The following PASD1 variants were observed in gnomAD, a reference collection of about 807,000 sequenced individuals.
PASD1 encodes PAS domain containing repressor 1, also known as circadian clock protein PASD1.
PASD1 carries 13 observed loss-of-function variants against 58.8 expected under a neutral mutation model. The ratio of observed to expected loss-of-function variants is 0.22; its 90% CI spans 0.14 to 0.35. The LOEUF (loss-of-function observed/expected upper bound fraction) is 0.35, where lower values mean the gene tolerates loss of function less well. Ranked by LOEUF, PASD1 falls within the 10% of genes least tolerant of loss-of-function variation. The probability of loss-of-function intolerance (pLI) is 1.00; values close to 1 mark genes in which losing one functional copy is unlikely to be tolerated. For synonymous variants in PASD1, 236 were observed against 216.7 expected (o/e 1.09, Z -0.78); for missense variants, 734 against 568.3 (o/e 1.29, Z -2.96).
At chrX:151,583,288 G>A (rs1259237060) in intron 1 of PASD1, among the ~76,000 whole-genome samples, 1 of 112,169 alleles carries the variant, frequency 8.9e-6, no homozygotes, top group Admixed American at 9.4e-5. Flanking sequence ...TGTAGTAAGT[G>A]TTTAATAAAT....
chrX:151,676,050 A>G lies in PASD1; in HGVS notation c.2229A>G (p.Gln743=), dbSNP rs1403011858. Residue 743 remains glutamine, a synonymous_variant, in exon 16 of 16, where the codon CAA becomes CAG. Coordinates refer to ENST00000370357, the MANE Select transcript of PASD1 (RefSeq NM_173493.3). ...VEGPPDPQAF[Q]GPAAYQPDQM... ...GACCTCCTGATCCACAGGCTTTCCA[A>G]GGCCCTGCTGCATACCAGCCAGACC... 1 of 1,209,504 alleles carries G rather than the reference A, an allele frequency of 8.3e-7. No individual in the cohort carries two copies. The highest frequency in any genetic ancestry group is 1.7e-5 in the African/African-American group (1 of 57,163).
chrX:151,603,004 TTACCTTCCTAA>T (rs1261143718), intron 2 of PASD1, among the ~76,000 whole-genome samples: 5 of 112,722 alleles, frequency 4.4e-5, no homozygotes, highest in Non-Finnish European at 9.4e-5. Context: ...AGCTCAGATG[TTACCTTCCTAA>T]TACCTTCCTA....
At chrX:151,592,606 A>G (rs963474630) in intron 1 of PASD1, among the ~76,000 whole-genome samples, 7 of 111,551 alleles carry the variant, frequency 6.3e-5, no homozygotes, top group Non-Finnish European at 1.3e-4. Context: ...ATATTTTCCA[A>G]TTTTCTTTGG....
intron 9 of PASD1, 130 bp downstream of exon 9, chrX:151,648,832 CA>C (rs2124296288): frequency 5.4e-6 from 4 of 741,994 alleles, no homozygotes; most frequent in Non-Finnish European, 7.7e-6. Flanking sequence ...CCACAGTTGC[CA>C]TCTTGTAGAC....
At chrX:151,673,790 G>A (rs1489789414) in intron 14 of PASD1, 138 bp from the exon 15 acceptor site, 1 of 731,212 alleles carries the variant, frequency 1.4e-6, no homozygotes, top group Admixed American at 2.9e-5. Context: ...AGGCCAAAGT[G>A]AGAATACAAA....
At chrX:151,653,015 G>A (rs780571229) in intron 9 of PASD1, among the ~76,000 whole-genome samples, 1 of 109,925 alleles carries the variant, frequency 9.1e-6, no homozygotes, top group South Asian at 3.9e-4. Context: ...GAGTCACAGT[G>A]TTGAGAATAG....
chrX:151,604,003 T>C lies in PASD1; in HGVS notation c.29-643T>C, dbSNP rs188262868. Reference sequence around the variant, plus strand: ...TGTGTTAGTGAAGTCCCTTTGCTAGTGAAGTTAGTGGAGTAGGGTGGAGTT... The same window carrying C: ...TGTGTTAGTGAAGTCCCTTTGCTAGCGAAGTTAGTGGAGTAGGGTGGAGTT... On this transcript the variant is annotated intron_variant, in intron 2 of 15. Transcript: ENST00000370357. 1.4e-3 allele frequency among the ~76,000 whole-genome samples: 159 copies of C among 111,369 alleles called. 2 individuals are homozygous for C. Among genetic ancestry groups the C allele is most frequent in the African/African-American group, 4.4e-3 (136 of 30,592 alleles).
At chrX:151,658,574 C>A (rs2014275122) in intron 9 of PASD1, among the ~76,000 whole-genome samples, 1 of 112,241 alleles carries the variant, frequency 8.9e-6, no homozygotes, top group South Asian at 3.7e-4. Flanking sequence ...CATATCTCCT[C>A]TTAATGAATA....
In PASD1 at chrX:151,612,613, T is replaced by G. The variant is rs747180431; in HGVS notation, c.207+860T>G. ...TGTGTCTTTTGGCTGCATAAATGTC[T>G]TCTTTTGAGAAGTGTCTGTTCATAT... On this transcript the variant is annotated intron_variant, in intron 4 of 15. Coordinates refer to ENST00000370357, the MANE Select transcript of PASD1 (RefSeq NM_173493.3). Among the ~76,000 whole-genome samples the G allele has an allele frequency of 5.2e-3, 577 of 111,572 alleles. 4 individuals carry two copies. Among genetic ancestry groups the G allele is most frequent in the Middle Eastern group, 0.023 (5 of 215 alleles).
chrX:151,649,916 A>G (rs1160342078), intron 9 of PASD1, among the ~76,000 whole-genome samples: 1 of 112,305 alleles, frequency 8.9e-6, no homozygotes, highest in Admixed American at 9.5e-5. Flanking sequence ...CCATGAGCAC[A>G]TATTTTAAAC....
intron 2 of PASD1, among the ~76,000 whole-genome samples, chrX:151,603,055 C>T (rs747424267): frequency 2.1e-4 from 24 of 112,414 alleles, no homozygotes; most frequent in East Asian, 8.4e-4. Context: ...CCCGATCTTA[C>T]GAATTATTGT....
intron 10 of PASD1, among the ~76,000 whole-genome samples, chrX:151,663,285 G>A (rs746384876): frequency 1.8e-5 from 2 of 112,074 alleles, no homozygotes; most frequent in Non-Finnish European, 3.8e-5. Flanking sequence ...AGAATGTCAT[G>A]TAAGAGGAAT....
At chrX:151,584,820 C>T (rs1245754364) in intron 1 of PASD1, among the ~76,000 whole-genome samples, 2 of 112,079 alleles carry the variant, frequency 1.8e-5, no homozygotes, top group African/African-American at 3.2e-5. Context: ...GGGACCACAT[C>T]TCTTTGATTT....
At chrX:151,613,826 G>A (rs947918515) in intron 4 of PASD1, among the ~76,000 whole-genome samples, 11 of 111,436 alleles carry the variant, frequency 9.9e-5, no homozygotes, top group Non-Finnish European at 1.7e-4. Context: ...TATAGATTGG[G>A]TGTCTTTGTA....
At position 151,610,284 on chromosome X, in the gene PASD1, C is replaced by G. The variant is rs182120502; in HGVS notation, c.118-1380C>G. 9.1e-4 allele frequency among the ~76,000 whole-genome samples: 101 copies of G among 111,445 alleles called. 1 individual carries two copies. In the Middle Eastern group the frequency reaches 0.037, roughly 41 times the overall value. ...TTCTGAGTCATTTCCTCAGCTCTTT[C>G]CAGCTCAAAAATTTTATTTCTGGCT... On this transcript the variant is annotated intron_variant, in intron 3 of 15. Coordinates refer to ENST00000370357, the MANE Select transcript of PASD1 (RefSeq NM_173493.3).
chrX:151,613,044 C>T (rs983145997), intron 4 of PASD1, among the ~76,000 whole-genome samples: 115 of 111,804 alleles, frequency 1.0e-3, no homozygotes, highest in Non-Finnish European at 1.5e-3. Flanking sequence ...ATGGCTAGCC[C>T]GTTTTCCCAG....
At chrX:151,662,560 G>A (rs944281646) in intron 10 of PASD1, among the ~76,000 whole-genome samples, 5 of 111,180 alleles carry the variant, frequency 4.5e-5, no homozygotes, top group Non-Finnish European at 9.4e-5. Context: ...GACTAGGAAA[G>A]ATGTCTATTC....
At chrX:151,597,673 C>T (rs2013338219) in intron 1 of PASD1, among the ~76,000 whole-genome samples, 1 of 110,787 alleles carries the variant, frequency 9.0e-6, no homozygotes, top group Non-Finnish European at 1.9e-5. Context: ...TTATTTTCTT[C>T]TCCTTTCTTT....
At position 151,671,293 on chromosome X, in the gene PASD1, T is replaced by A. The variant is rs776373513; in HGVS notation, c.1230+97T>A. 155 of 977,628 alleles carry A rather than the reference T, an allele frequency of 1.6e-4. No homozygotes were observed. In the African/African-American group the frequency reaches 2.7e-3, roughly 17 times the overall value. The allele number at this position is 977,628 out of a possible 1,213,427, so 80.6% of individuals were successfully genotyped here. A position where few individuals can be genotyped will look rare whatever the true frequency, so the allele number is the denominator to read the frequency against. On this transcript the variant is annotated intron_variant, in intron 12 of 15. Coordinates refer to ENST00000370357, the MANE Select transcript of PASD1 (RefSeq NM_173493.3). Reference sequence around the variant, plus strand: ...ACCTTGGCAAGCCTTAAGGAGTTAGTCAATGGTGTCTGCCGGTAGTGACAG... The same window carrying A: ...ACCTTGGCAAGCCTTAAGGAGTTAGACAATGGTGTCTGCCGGTAGTGACAG...
Sources: gnomAD v4.1 joint callset for allele counts (sites outside exome capture counted in the v4.1 genomes callset) on GRCh38, gnomAD v4.1.1 for gene constraint, MANE v1.5 for transcripts, NCBI Gene and HGNC (gene_info 2026-07-23, HGNC 2026-07-21) for gene names.